Variants in TJP1 observed in about 807,000 individuals in gnomAD.
TJP1 encodes the protein tight junction protein ZO-1.
TJP1 carries 43 observed loss-of-function variants against 194.2 expected under a neutral mutation model. The observed-to-expected ratio is 0.22, with a 90% CI of 0.17 to 0.29. The LOEUF (loss-of-function observed/expected upper bound fraction) is 0.29. Ranked by LOEUF, TJP1 falls within the 10% of genes least tolerant of loss-of-function variation. TJP1 has a pLI of 1.00. For missense variants in TJP1, 1,971 were observed against 2,185.7 expected, an observed-to-expected ratio of 0.90 and a Z score of 1.96; for synonymous variants, 801 against 779.0, an observed-to-expected ratio of 1.03 and a Z score of -0.47.
intron 1 of TJP1, among the ~76,000 whole-genome samples, chr15:29,815,068 A>G (rs1227424957): frequency 6.6e-6 from 1 of 152,222 alleles, no homozygotes; most frequent in African/African-American, 2.4e-5. Context: ...GATATAAGAT[A>G]AAACTCCCTA....
intron 4 of TJP1, among the ~76,000 whole-genome samples, chr15:29,768,424 C>G (rs950516743): frequency 6.6e-6 from 1 of 152,112 alleles, no homozygotes; most frequent in African/African-American, 2.4e-5. Context: ...GGAAGCAATA[C>G]CTGGTATTAG....
intron 2 of TJP1, among the ~76,000 whole-genome samples, chr15:29,799,407 GA>G (rs911925260): frequency 1.3e-5 from 2 of 150,180 alleles, no homozygotes; most frequent in East Asian, 3.9e-4. Flanking sequence ...TATCTTATCA[GA>G]AAAAAAAATT....
At chr15:29,922,639 A>T (rs1204962420) in intron 2 of TJP1, among the ~76,000 whole-genome samples, 3 of 152,202 alleles carry the variant, frequency 2.0e-5, no homozygotes, top group Non-Finnish European at 4.4e-5. Flanking sequence ...TATCTTGAGA[A>T]GAATAAATAT....
At chr15:29,855,771 G>A (rs1407832627) in intron 2 of TJP1, among the ~76,000 whole-genome samples, 3 of 151,738 alleles carry the variant, frequency 2.0e-5, no homozygotes, top group African/African-American at 7.3e-5. Context: ...CACGAGAATC[G>A]CTTGAACTCA....
chr15:29,922,314 C>T lies in TJP1; in HGVS notation c.306+33918G>A, dbSNP rs78974626. Among the ~76,000 whole-genome samples the T allele has an allele frequency of 1.6e-3, 251 of 152,212 alleles. 7 individuals carry two copies. In the East Asian group the frequency reaches 0.045, roughly 27 times the overall value. The stretch of plus-strand genomic sequence containing the variant: ...CCTGGTCAACATAGTGAGGTCATGT[C>T]TCTACAGAAAATTTTTAATCTGTTT... On this transcript the variant is annotated intron_variant, in intron 2 of 28. Transcript: ENST00000356107.
chr15:29,725,166 T>C lies in TJP1; in HGVS notation c.2412+1213A>G, dbSNP rs538076818. ...TTCATGTAAAGTGGTGTGGTTTGTT[T>C]CCACCTTCATTTTCCTATCCAGTTC... On this transcript the variant is annotated intron_variant, in intron 18 of 27. Transcript: ENST00000614355. 8.5e-5 allele frequency among the ~76,000 whole-genome samples: 13 copies of C among 152,326 alleles called. No homozygotes were observed. The East Asian group carries it at 2.5e-3, about 29-fold the overall frequency.
At chr15:29,932,557 G>A (rs1209935791) in intron 2 of TJP1, among the ~76,000 whole-genome samples, 1 of 143,570 alleles carries the variant, frequency 7.0e-6, no homozygotes, top group East Asian at 1.9e-4. Flanking sequence ...TTTATGACCT[G>A]GAAAAAAAAG....
chr15:29,919,136 G>A (rs915994775), intron 2 of TJP1, among the ~76,000 whole-genome samples: 4 of 152,228 alleles, frequency 2.6e-5, no homozygotes, highest in Non-Finnish European at 4.4e-5. Context: ...GCAACATTCA[G>A]ATGCTAGAGT....
At chr15:29,968,592 C>G (rs2056414073) in intron 1 of TJP1, 3 of 906,280 alleles carry the variant, frequency 3.3e-6, no homozygotes, top group South Asian at 4.9e-5. Context: ...GGCCGCCGCT[C>G]GCTCTCCCAC....
intron 2 of TJP1, among the ~76,000 whole-genome samples, chr15:29,941,202 G>C (rs1300351880): frequency 6.6e-6 from 1 of 152,148 alleles, no homozygotes; most frequent in Non-Finnish European, 1.5e-5. Flanking sequence ...CCACCTGCTT[G>C]AGGCCACACA....
At chr15:29,743,074 A>T (rs1237635639) in intron 8 of TJP1, 1 of 210,520 alleles carries the variant, frequency 4.8e-6, no homozygotes, top group African/African-American at 2.3e-5. Context: ...CATTTAATAA[A>T]TGGTGTCGGG....
At chr15:29,800,724 A>C in intron 1 of TJP1, 22 bp from the exon 2 acceptor site, 2 of 1,612,132 alleles carry the variant, frequency 1.2e-6, no homozygotes, top group Non-Finnish European at 1.7e-6. Flanking sequence ...AAAGAAAAAC[A>C]AATCATTTAC....
At chr15:29,765,061 GA>G (rs933084075) in intron 5 of TJP1, among the ~76,000 whole-genome samples, 10 of 152,134 alleles carry the variant, frequency 6.6e-5, no homozygotes, top group South Asian at 2.1e-4. Flanking sequence ...AAAGGTGGGG[GA>G]AAAAAACAGA....
Position 29,726,939 on chromosome 15 carries a change from T to A in TJP1, c.2153A>T (p.Tyr718Phe), listed in dbSNP as rs774071639. 6.2e-7 allele frequency: 1 copy of A among 1,614,238 alleles called. No homozygotes were observed. Among genetic ancestry groups the A allele is most frequent in the Non-Finnish European group, 8.5e-7 (1 of 1,180,048 alleles). Residue 718 changes from tyrosine (Y) to phenylalanine (F), a missense_variant, in exon 17 of 28, where the codon TAT becomes TTT. By Grantham distance (22) the Tyr-to-Phe change is conservative (BLOSUM62 3). Around this residue, in one of 5 missense-constraint regions of TJP1, gnomAD observed 402 missense variants for 484.2 expected, o/e 0.83. Coordinates refer to ENST00000614355, the MANE Select transcript of TJP1 (RefSeq NM_001330239.4). ...VTPNAVDRLNYAQWYPIVVFL... is the reference protein window; with the variant it reads ...VTPNAVDRLNFAQWYPIVVFL... ...TACAACAATTGGATACCACTGGGCA[T>A]AGTTAAGACGATCAACTGCATTTGG...
Position 29,719,006 on chromosome 15 carries a change from C to G in TJP1, c.3136G>C (p.Val1046Leu), listed in dbSNP as rs369092296. Residue 1046 changes from valine to leucine, a missense_variant, in exon 21 of 28, where the codon GTA (valine) becomes CTA (leucine). Transcript: ENST00000614355. ...AGGTCTCTGCTGGCTTGTTTCTCTA[C>G]GTATGGGAGTTGGGGTTCATAGGTC... is the stretch of plus-strand genomic sequence containing the variant. Reference protein sequence around the residue: ...NLTYEPQLPYVEKQASRDLEQ... With the variant: ...NLTYEPQLPYLEKQASRDLEQ... 4 of 1,614,034 alleles carry G rather than the reference C, an allele frequency of 2.5e-6. No individual in the cohort carries two copies. The highest frequency in any genetic ancestry group is 3.3e-5 in the Admixed American group (2 of 59,998).
chr15:29,748,922 ATGTGTGTGTGTG>A (rs112772922), intron 8 of TJP1, among the ~76,000 whole-genome samples: 10 of 104,690 alleles, frequency 9.6e-5, no homozygotes, highest in South Asian at 3.2e-4. Context: ...AAGCTTAAAA[ATGTGTGTGTGTG>A]TGTGTGTGTG....
At chr15:29,896,769 T>C (rs1320670300) in intron 2 of TJP1, among the ~76,000 whole-genome samples, 1 of 152,202 alleles carries the variant, frequency 6.6e-6, no homozygotes, top group Non-Finnish European at 1.5e-5. Context: ...TACCATGTTT[T>C]AGCAAAGAGA....
At chr15:29,853,951 T>C (rs1007081885) in intron 2 of TJP1, among the ~76,000 whole-genome samples, 1 of 152,244 alleles carries the variant, frequency 6.6e-6, no homozygotes, top group Non-Finnish European at 1.5e-5. Flanking sequence ...TTGGAGCAGA[T>C]AGTCGCTATA....
chr15:29,771,459 T>C (rs895697022), intron 4 of TJP1, among the ~76,000 whole-genome samples: 2 of 152,156 alleles, frequency 1.3e-5, no homozygotes, highest in African/African-American at 2.4e-5. Flanking sequence ...AACATTGTCA[T>C]GTAGCATGTG....
Sources: allele counts gnomAD v4.1 joint callset (sites outside exome capture counted in the v4.1 genomes callset), GRCh38; gene constraint gnomAD v4.1.1; regional missense constraint gnomAD v4.1.1; transcripts MANE v1.5; gene names NCBI Gene and HGNC (gene_info 2026-07-23, HGNC 2026-07-21).